The following STK33 variants were observed in gnomAD, a reference collection of about 807,000 sequenced individuals.
The protein encoded by STK33 is serine/threonine kinase 33.
A neutral mutation model predicts 58.0 loss-of-function variants in STK33; 52 were observed. The observed-to-expected ratio is 0.90, with a 90% CI of 0.72 to 1.13. The LOEUF is 1.13. Ranked by LOEUF, STK33 falls within the 50% of genes most tolerant of loss-of-function variation. STK33 has a pLI of 0.00. For missense variants in STK33, 630 were observed against 604.2 expected (o/e 1.04, Z -0.45); for synonymous variants, 215 against 200.1 (o/e 1.07, Z -0.63).
At chr11:8,376,280 G>A in the STK33 span, among the ~76,000 whole-genome samples, 1 of 152,120 alleles carries the variant, frequency 6.6e-6, no homozygotes, top group African/African-American at 2.4e-5. Context: ...CATGTCACGG[G>A]GGCAAGCTCA....
chr11:8,555,749 TGTTA>T (rs1956703287), intron 1 of STK33, among the ~76,000 whole-genome samples: 1 of 152,104 alleles, frequency 6.6e-6, no homozygotes, highest in Admixed American at 6.5e-5. Context: ...GTGATGAATA[TGTTA>T]ATTAGCTTGA....
intron 14 of STK33, among the ~76,000 whole-genome samples, chr11:8,424,334 C>T (rs1309507641): frequency 1.3e-5 from 2 of 149,850 alleles, no homozygotes; most frequent in African/African-American, 4.9e-5. Context: ...TTTTTTATGG[C>T]TGCATAGTAT....
At chr11:8,391,619 T>C (rs1848630133), downstream of STK33, among the ~76,000 whole-genome samples, 1 of 152,208 alleles carries the variant, frequency 6.6e-6, no homozygotes, top group Non-Finnish European at 1.5e-5. Context: ...ATTCTTTCTT[T>C]AGAATTTGCT....
At chr11:8,377,953 G>C in the STK33 span, among the ~76,000 whole-genome samples, 1 of 152,126 alleles carries the variant, frequency 6.6e-6, no homozygotes, top group Non-Finnish European at 1.5e-5. Flanking sequence ...GAAACCATAG[G>C]TGACACAAAC....
chr11:8,447,635 C>T (rs1395151423), intron 11 of STK33, among the ~76,000 whole-genome samples: 2 of 152,094 alleles, frequency 1.3e-5, no homozygotes, highest in African/African-American at 4.8e-5. Context: ...TGGGATGTAT[C>T]TCAAAATAAT....
At chr11:8,468,491 G>A (rs191742562) in intron 6 of STK33, among the ~76,000 whole-genome samples, 27 of 152,190 alleles carry the variant, frequency 1.8e-4, no homozygotes, top group Admixed American at 5.9e-4. Flanking sequence ...TTCATGAAGG[G>A]CTTCCTTGTT....
chr11:8,349,887 C>A, the STK33 span, among the ~76,000 whole-genome samples: 6 of 152,226 alleles, frequency 3.9e-5, no homozygotes, highest in African/African-American at 1.4e-4. Context: ...TCCTGGGAAA[C>A]CCTCCTTCAT....
intron 1 of STK33, among the ~76,000 whole-genome samples, chr11:8,536,675 G>A (rs889251553): frequency 6.6e-6 from 1 of 152,062 alleles, no homozygotes; most frequent in African/African-American, 2.4e-5. Context: ...TTCAATTGTT[G>A]TATTTTTCAC....
chr11:8,364,366 G>A, the STK33 span, among the ~76,000 whole-genome samples: 4 of 152,184 alleles, frequency 2.6e-5, no homozygotes, highest in African/African-American at 9.7e-5. Flanking sequence ...TTTTTCTGAA[G>A]TGTCATGTGG....
At chr11:8,523,529 G>A (rs185080259) in intron 1 of STK33, among the ~76,000 whole-genome samples, 29 of 150,742 alleles carry the variant, frequency 1.9e-4, no homozygotes, top group African/African-American at 6.4e-4. Flanking sequence ...CAGCCGCCCC[G>A]TCTGGGAAGC....
At chr11:8,585,941 T>A (rs139617128) in intron 1 of STK33, among the ~76,000 whole-genome samples, 1,999 of 152,034 alleles carry the variant, frequency 0.013, 21 homozygotes, top group Middle Eastern at 0.024. Flanking sequence ...TCATCCCAGC[T>A]ACTTGGGAGG....
At chr11:8,337,647 G>T in the STK33 span, among the ~76,000 whole-genome samples, 2 of 33,906 alleles carry the variant, frequency 5.9e-5, no homozygotes, top group East Asian at 9.7e-4. Context: ...GCGGGGGGCG[G>T]GGGGGGGGCC....
intron 1 of STK33, among the ~76,000 whole-genome samples, chr11:8,543,784 A>C (rs1955700639): frequency 6.6e-6 from 1 of 152,212 alleles, no homozygotes; most frequent in Admixed American, 6.5e-5. Context: ...ATAAATACTT[A>C]AGGGGATGGA....
chr11:8,573,907 TAGG>T (rs1957998015), intron 1 of STK33, among the ~76,000 whole-genome samples: 1 of 152,188 alleles, frequency 6.6e-6, no homozygotes, highest in Non-Finnish European at 1.5e-5. Context: ...GGGTTACAGA[TAGG>T]AGAGGGGTAG....
At chr11:8,438,699 A>T (rs1470210305) in intron 12 of STK33, among the ~76,000 whole-genome samples, 1 of 152,174 alleles carries the variant, frequency 6.6e-6, no homozygotes. Context: ...ACCAAGTTCA[A>T]ACTAAGAAGG....
chr11:8,344,888 A>G, the STK33 span, among the ~76,000 whole-genome samples: 3 of 152,154 alleles, frequency 2.0e-5, no homozygotes, highest in Non-Finnish European at 4.4e-5. Flanking sequence ...CACCATCTCC[A>G]GCCTCCTTGC....
chr11:8,571,117 T>A (rs1359741339), intron 1 of STK33, among the ~76,000 whole-genome samples: 1 of 152,164 alleles, frequency 6.6e-6, no homozygotes, highest in African/African-American at 2.4e-5. Flanking sequence ...GTTTCCAGAA[T>A]GCAGCAAATT....
intron 1 of STK33, among the ~76,000 whole-genome samples, chr11:8,534,722 A>G (rs988726214): frequency 3.9e-5 from 6 of 151,994 alleles, no homozygotes; most frequent in Non-Finnish European, 7.4e-5. Context: ...TTGAAAACAA[A>G]TCTGTGGTTC....
At chr11:8,577,611 G>A (rs1035368091) in intron 1 of STK33, among the ~76,000 whole-genome samples, 5 of 151,960 alleles carry the variant, frequency 3.3e-5, no homozygotes, top group African/African-American at 1.2e-4. Context: ...CCTGGACATA[G>A]TAATTACTTA....
Sources: allele counts gnomAD v4.1 joint callset (sites outside exome capture counted in the v4.1 genomes callset), GRCh38; gene constraint gnomAD v4.1.1; transcripts MANE v1.5; gene names NCBI Gene and HGNC (gene_info 2026-07-23, HGNC 2026-07-21).